TAFA2: variants seen among roughly 807,000 people sequenced by gnomAD.
The protein encoded by TAFA2 is chemokine-like protein TAFA-2.
Under a neutral mutation model 18.8 loss-of-function variants are expected in TAFA2, and 7 were observed. The observed-to-expected ratio is 0.37, with a 90% CI of 0.21 to 0.70. The LOEUF (loss-of-function observed/expected upper bound fraction) is 0.70, where lower values mean the gene tolerates loss of function less well. Among genes scored for constraint, TAFA2 ranks in the 30% least tolerant of loss-of-function variants. TAFA2 has a pLI of 0.53. For missense variants in TAFA2, 122 were observed against 158.1 expected (o/e 0.77, Z 1.23); for synonymous variants, 60 against 54.2 (o/e 1.11, Z -0.47).
chr12:61,796,391 T>C (rs943090981), intron 2 of TAFA2, among the ~76,000 whole-genome samples: 3 of 152,132 alleles, frequency 2.0e-5, no homozygotes, highest in African/African-American at 7.2e-5. Context: ...GTTTCTCAAA[T>C]AATTATTCTA....
chr12:61,802,852 T>G (rs1181287391), intron 2 of TAFA2, among the ~76,000 whole-genome samples: 3 of 151,994 alleles, frequency 2.0e-5, no homozygotes, highest in Non-Finnish European at 4.4e-5. Context: ...CACTCTATAT[T>G]CCATAAATAT....
At chr12:61,997,264 C>T (rs1359468079) in intron 1 of TAFA2, among the ~76,000 whole-genome samples, 1 of 151,132 alleles carries the variant, frequency 6.6e-6, no homozygotes, top group Non-Finnish European at 1.5e-5. Flanking sequence ...GTGATGGCAA[C>T]AGACTATGAT....
At chr12:61,762,450 AC>A (rs1232929543) in intron 2 of TAFA2, among the ~76,000 whole-genome samples, 1 of 151,986 alleles carries the variant, frequency 6.6e-6, no homozygotes, top group Non-Finnish European at 1.5e-5. Flanking sequence ...CTTTATGAAG[AC>A]CAAATGAGAT....
intron 1 of TAFA2, among the ~76,000 whole-genome samples, chr12:61,917,021 A>G (rs992956489): frequency 6.6e-6 from 1 of 152,156 alleles, no homozygotes; most frequent in Non-Finnish European, 1.5e-5. Flanking sequence ...AAGAACTCAT[A>G]CACGGTAAGG....
intron 1 of TAFA2, among the ~76,000 whole-genome samples, chr12:61,986,043 G>A (rs563058453): frequency 2.0e-5 from 3 of 151,380 alleles, no homozygotes; most frequent in Admixed American, 1.3e-4. Context: ...TGGTGACCTC[G>A]AAATAAACAG....
chr12:62,258,063 T>C (rs953135878), intron 1 of TAFA2, among the ~76,000 whole-genome samples: 4 of 152,196 alleles, frequency 2.6e-5, no homozygotes, highest in African/African-American at 9.7e-5. Flanking sequence ...GGTTTCAATT[T>C]AGGTTCTGCC....
At chr12:61,958,511 A>G (rs1053430760) in intron 1 of TAFA2, among the ~76,000 whole-genome samples, 1 of 151,808 alleles carries the variant, frequency 6.6e-6, no homozygotes, top group South Asian at 2.1e-4. Flanking sequence ...AATTTCTGCT[A>G]TTCTAGTATT....
At chr12:61,961,933 C>A (rs926998502) in intron 1 of TAFA2, among the ~76,000 whole-genome samples, 2 of 152,010 alleles carry the variant, frequency 1.3e-5, no homozygotes, top group East Asian at 3.9e-4. Flanking sequence ...CATTTAACTT[C>A]ATTTTGATTT....
chr12:61,826,560 C>T (rs1186942168), intron 2 of TAFA2, among the ~76,000 whole-genome samples: 1 of 151,964 alleles, frequency 6.6e-6, no homozygotes, highest in Admixed American at 6.6e-5. Flanking sequence ...TTAATACCAC[C>T]ACAAAGCAAA....
intron 1 of TAFA2, among the ~76,000 whole-genome samples, chr12:61,966,790 T>A (rs1192743975): frequency 6.6e-6 from 1 of 151,934 alleles, no homozygotes; most frequent in Non-Finnish European, 1.5e-5. Context: ...CTTGCAGCTA[T>A]GCTAATACAA....
intron 1 of TAFA2, among the ~76,000 whole-genome samples, chr12:62,229,821 G>C (rs1000857099): frequency 6.6e-6 from 1 of 152,008 alleles, no homozygotes; most frequent in African/African-American, 2.4e-5. Flanking sequence ...GTAGAATTTA[G>C]AAGTGAAGTC....
At chr12:62,219,498 G>A (rs539762882) in intron 1 of TAFA2, among the ~76,000 whole-genome samples, 1 of 152,128 alleles carries the variant, frequency 6.6e-6, no homozygotes, top group Non-Finnish European at 1.5e-5. Context: ...CAAGGATGAA[G>A]TTATTCGATA....
chr12:61,878,496 A>C (rs762443948), intron 1 of TAFA2, among the ~76,000 whole-genome samples: 1 of 152,218 alleles, frequency 6.6e-6, no homozygotes, highest in Non-Finnish European at 1.5e-5. Flanking sequence ...CCCTACTAGA[A>C]TACAATCTAC....
At chr12:61,722,322 T>C (rs910831447) in intron 4 of TAFA2, among the ~76,000 whole-genome samples, 2 of 152,180 alleles carry the variant, frequency 1.3e-5, no homozygotes, top group Admixed American at 1.3e-4. Flanking sequence ...CCTGTTTTCT[T>C]ATCACTGCTA....
chr12:61,734,784 A>G (rs1256216501), intron 4 of TAFA2, among the ~76,000 whole-genome samples: 1 of 152,002 alleles, frequency 6.6e-6, no homozygotes, highest in Non-Finnish European at 1.5e-5. Context: ...ATATATACAT[A>G]TAGAATTTAC....
At chr12:62,235,765 T>C (rs2062834351) in intron 1 of TAFA2, among the ~76,000 whole-genome samples, 2 of 152,136 alleles carry the variant, frequency 1.3e-5, no homozygotes, top group South Asian at 4.2e-4. Flanking sequence ...TTTGTTTTTG[T>C]TTTTTAGAGA....
chr12:61,818,162 A>C (rs1872164207), intron 2 of TAFA2, among the ~76,000 whole-genome samples: 2 of 151,852 alleles, frequency 1.3e-5, no homozygotes, highest in South Asian at 4.2e-4. Context: ...CTTTCTCTTT[A>C]CCCTCCTTAC....
At chr12:62,060,520 C>T (rs746386195) in intron 1 of TAFA2, among the ~76,000 whole-genome samples, 9 of 152,152 alleles carry the variant, frequency 5.9e-5, no homozygotes, top group Non-Finnish European at 1.5e-5. Context: ...CAATAAATGA[C>T]AATGTTATTG....
chr12:62,070,966 C>T (rs1882615893), intron 1 of TAFA2, among the ~76,000 whole-genome samples: 1 of 152,196 alleles, frequency 6.6e-6, no homozygotes, highest in East Asian at 1.9e-4. Context: ...AATGCCCTTA[C>T]ATTATTAATG....
Sources: allele counts gnomAD v4.1 joint callset (sites outside exome capture counted in the v4.1 genomes callset), GRCh38; gene constraint gnomAD v4.1.1; transcripts MANE v1.5; gene names NCBI Gene and HGNC (gene_info 2026-07-23, HGNC 2026-07-21).